Variants in MYRF observed in about 807,000 individuals in gnomAD.
MYRF encodes myelin regulatory factor.
Under a neutral mutation model 126.3 loss-of-function variants are expected in MYRF, and 16 were observed. The ratio of observed to expected loss-of-function variants is 0.13; its 90% CI spans 0.09 to 0.19. MYRF has a LOEUF of 0.19. MYRF is among the 10% of genes least tolerant of loss of function. MYRF has a pLI of 1.00. For missense variants in MYRF, 1,104 were observed against 1,547.0 expected (o/e 0.71, Z 4.80); for synonymous variants, 608 against 635.3 (o/e 0.96, Z 0.65).
chr11:61,776,037 C>T lies in MYRF; in HGVS notation c.1312-19C>T. The stretch of plus-strand genomic sequence containing the variant: ...CGGGTAGCCCCATCCTGAGGTGCCA[C>T]TGGCTTCACTCCCCACAGCTGGAGG... On this transcript the variant is annotated intron_variant, in intron 8 of 26. Transcript: ENST00000278836. This position sits in a 1 kb window ranked among gnomAD's most constrained non-coding sequence, Gnocchi z 4.3. The T allele has an allele frequency of 6.2e-7, 1 of 1,613,618 alleles. No homozygotes were observed. The highest frequency in any genetic ancestry group is 2.2e-5 in the East Asian group (1 of 44,874).
chr11:61,785,928 G>C lies in MYRF; in HGVS notation c.3375+54G>C, dbSNP rs1402894451. The C allele has an allele frequency of 1.9e-6, 3 of 1,582,356 alleles. No homozygotes were observed. In the East Asian group the frequency reaches 6.7e-5, roughly 35 times the overall value. ...AGGTCTGGGCACCCCTGTCTGCGAC[G>C]TGGGGCTTGAGGAATGGGGGGTTTG... On this transcript the variant is annotated intron_variant, in intron 26 of 26. Transcript: ENST00000278836.
intron 1 of MYRF, among the ~76,000 whole-genome samples, chr11:61,759,006 A>C (rs952231069): frequency 3.9e-5 from 6 of 152,226 alleles, no homozygotes; most frequent in African/African-American, 7.2e-5. Context: ...GATCATGCGC[A>C]TGTCAGTGGA....
In MYRF at chr11:61,769,336, C is replaced by A; in HGVS notation, c.460+15C>A. The A allele has an allele frequency of 6.2e-7, 1 of 1,602,314 alleles. No homozygotes were observed. Among genetic ancestry groups the A allele is most frequent in the Non-Finnish European group, 8.5e-7 (1 of 1,174,062 alleles). ...GCAGGTGAATGGTGAGTCCAGCGGG[C>A]ACCGCCCTCCTGCTCCAGGGTTTGG... On this transcript the variant is annotated intron_variant, in intron 4 of 26. Coordinates refer to ENST00000278836, the MANE Select transcript of MYRF (RefSeq NM_001127392.3).
rs904074657 is a variant in MYRF, at chr11:61,787,095, G to A, written c.*952G>A. Reference sequence around the variant, plus strand: ...TCAAGCAGCAGCCTGGTCTTGGCTGGTGGGCAGATGCAAATAGCTTTTGCT... The same window carrying A: ...TCAAGCAGCAGCCTGGTCTTGGCTGATGGGCAGATGCAAATAGCTTTTGCT... On this transcript the variant is annotated 3_prime_UTR_variant, in exon 27 of 27. Transcript: ENST00000278836. 2 of 152,782 alleles carry A rather than the reference G, an allele frequency of 1.3e-5. No homozygotes were observed. Among genetic ancestry groups the A allele is most frequent in the African/African-American group, 4.8e-5 (2 of 41,450 alleles). The allele number at this position is 152,782 out of a possible 1,614,324, so 9.5% of individuals were successfully genotyped here. A position where few individuals can be genotyped will look rare whatever the true frequency, so the allele number is the denominator to read the frequency against.
intron 8 of MYRF, 23 bp downstream of exon 8, chr11:61,774,185 A>G (rs1234510057): frequency 6.3e-7 from 1 of 1,582,278 alleles, no homozygotes. Flanking sequence ...CTCAGCAAGG[A>G]AGGGAGGGCA....
chr11:61,756,761 G>T (rs561188405), intron 1 of MYRF, among the ~76,000 whole-genome samples: 2 of 152,072 alleles, frequency 1.3e-5, no homozygotes, highest in African/African-American at 4.8e-5. Flanking sequence ...GAAACAGGCA[G>T]TTACCAACCC....
chr11:61,770,581 G>T, intron 5 of MYRF, 56 bp downstream of exon 5: 2 of 1,487,150 alleles, frequency 1.3e-6, no homozygotes, highest in Non-Finnish European at 1.8e-6. Flanking sequence ...AGGGACCAGG[G>T]TGGGCAGGGC....
rs1405010261 is a variant in MYRF, at chr11:61,779,392, C to T, written c.2143C>T (p.Leu715Phe). The T allele has an allele frequency of 6.4e-7, 1 of 1,551,290 alleles. No individual in the cohort carries two copies. Among genetic ancestry groups the T allele is most frequent in the Non-Finnish European group, 8.7e-7 (1 of 1,146,930 alleles). The change falls in exon 15 of 27, where the codon CTC becomes TTC. Residue 715 changes from leucine to phenylalanine, a missense_variant. By Grantham distance (22) the Leu-to-Phe change is conservative. Coordinates refer to ENST00000278836, the MANE Select transcript of MYRF (RefSeq NM_001127392.3). The part of the protein sequence containing the change: ...KLAKLRRLDS[L>F]KSTGSSGAFS... ...GGCCAAGCTGCGGCGGCTCGACAGC[C>T]TCAAGTCCACCGGCAGCTCGGGCGC...
intron 1 of MYRF, chr11:61,755,511 C>A: frequency 6.4e-7 from 1 of 1,561,642 alleles, no homozygotes; most frequent in Non-Finnish European, 8.8e-7. Flanking sequence ...AGGGCAGTGT[C>A]TGAGAATCCT....
chr11:61,786,188 A>G lies in MYRF; in HGVS notation c.*45A>G. 5 of 1,552,928 alleles carry G rather than the reference A, an allele frequency of 3.2e-6. No individual in the cohort carries two copies. Among genetic ancestry groups the G allele is most frequent in the Non-Finnish European group, 4.4e-6 (5 of 1,125,030 alleles). On this transcript the variant is annotated 3_prime_UTR_variant, in exon 27 of 27. Coordinates refer to ENST00000278836, the MANE Select transcript of MYRF (RefSeq NM_001127392.3). The surrounding 1 kb of genome is among the most constrained non-coding windows in gnomAD (Gnocchi z 4.5). ...ACCACACCAGGGACCAGGGGTGCCC[A>G]GGCACCCCCCAACACTGGATGCAAT... is the stretch of plus-strand genomic sequence containing the variant.
chr11:61,762,798 T>C (rs1193394577), intron 1 of MYRF, among the ~76,000 whole-genome samples: 3 of 151,960 alleles, frequency 2.0e-5, no homozygotes, highest in Non-Finnish European at 1.5e-5. Flanking sequence ...CCCCCAACCC[T>C]CAAACTTCTT....
At chr11:61,782,136 G>A (rs959060183) in intron 22 of MYRF, 18 of 319,660 alleles carry the variant, frequency 5.6e-5, no homozygotes, top group Middle Eastern at 8.3e-4. Context: ...ATTTGATCCC[G>A]AGCCTGGCTC....
chr11:61,770,531 A>T lies in MYRF; in HGVS notation c.740+6A>T, dbSNP rs1313560102. 2 of 1,551,390 alleles carry T rather than the reference A, an allele frequency of 1.3e-6. No individual in the cohort carries two copies. The highest frequency in any genetic ancestry group is 2.4e-5 in the South Asian group (2 of 83,298). On this transcript the variant is annotated splice_donor_region_variant and intron_variant, in intron 5 of 26. Coordinates refer to ENST00000278836, the MANE Select transcript of MYRF (RefSeq NM_001127392.3). Reference sequence around the variant, plus strand: ...CTGCAGCAGCACGGAGCTGAGTAAGACGTGGGTGGCTGGCTCCATGGGGTG... The same window carrying T: ...CTGCAGCAGCACGGAGCTGAGTAAGTCGTGGGTGGCTGGCTCCATGGGGTG...
At chr11:61,767,284 T>G in intron 3 of MYRF, 1 of 456,696 alleles carries the variant, frequency 2.2e-6, no homozygotes, top group Non-Finnish European at 4.4e-6. Flanking sequence ...AACTAACATT[T>G]GGTAAGCGCC....
At chr11:61,781,488 A>C in intron 21 of MYRF, 85 bp from the exon 22 acceptor site, 1 of 1,553,594 alleles carries the variant, frequency 6.4e-7, no homozygotes, top group Non-Finnish European at 8.7e-7. Context: ...CATGGGGTTC[A>C]CTCAGTCTTG....
chr11:61,755,511 C>T (rs1310312432), intron 1 of MYRF: 6 of 1,561,526 alleles, frequency 3.8e-6, no homozygotes, highest in African/African-American at 1.4e-5. Flanking sequence ...AGGGCAGTGT[C>T]TGAGAATCCT....
At position 61,784,182 on chromosome 11, in the gene MYRF, G is replaced by T. The variant is rs1027453977; in HGVS notation, c.3195-98G>T. On this transcript the variant is annotated intron_variant, in intron 24 of 26. Coordinates refer to ENST00000278836, the MANE Select transcript of MYRF (RefSeq NM_001127392.3). ...TGGTTATTATGCGGTGTTTCAGGCTGGGTGGAGATTCAGAGGCGTGTGGCA... is the reference window on the plus strand; with the variant it reads ...TGGTTATTATGCGGTGTTTCAGGCTTGGTGGAGATTCAGAGGCGTGTGGCA... 4.2e-6 allele frequency: 5 copies of T among 1,178,028 alleles called. No homozygotes were observed. In the Admixed American group the frequency reaches 6.2e-5, roughly 15 times the overall value. The allele number at this position is 1,178,028 out of a possible 1,614,324, so 73.0% of individuals were successfully genotyped here.
rs779817774 is a variant in MYRF at position 61,781,021 on chromosome 11, G to A, written c.2548G>A (p.Gly850Ser). Reference sequence around the variant, plus strand: ...GTCCCCCTTGACCACGGGGCTACCAGGCATACAGCCCTCTTTGCTGCTGGG... The same window carrying A: ...GTCCCCCTTGACCACGGGGCTACCAAGCATACAGCCCTCTTTGCTGCTGGG... ...RQSPLTTGLPGIQPSLLLVTT... is the reference protein window; with the variant it reads ...RQSPLTTGLPSIQPSLLLVTT... Residue 850 changes from glycine (G) to serine (S), a missense_variant, in exon 20 of 27, where the codon GGC becomes AGC. This residue lies in a region of MYRF where 323 missense variants were observed against 383.1 expected (regional missense o/e 0.84). Coordinates refer to ENST00000278836, the MANE Select transcript of MYRF (RefSeq NM_001127392.3). 2.5e-6 allele frequency: 4 copies of A among 1,609,906 alleles called. No homozygotes were observed. Among genetic ancestry groups the A allele is most frequent in the Non-Finnish European group, 3.4e-6 (4 of 1,180,002 alleles).
At chr11:61,779,797 C>T (rs1424232736) in intron 16 of MYRF, 45 bp from the exon 17 acceptor site, 23 of 1,566,102 alleles carry the variant, frequency 1.5e-5, no homozygotes, top group Non-Finnish European at 2.0e-5. Context: ...GGGACAGCCT[C>T]AGCCTGGCCC....
Sources: gnomAD v4.1 joint callset for allele counts (sites outside exome capture counted in the v4.1 genomes callset) on GRCh38, gnomAD v4.1.1 for gene constraint, gnomAD v4.1.1 regional missense constraint, Gnocchi (gnomAD v3.1) non-coding constraint, MANE v1.5 for transcripts, NCBI Gene and HGNC (gene_info 2026-07-23, HGNC 2026-07-21) for gene names.